Variants in MAST4 observed in about 807,000 individuals in gnomAD.
MAST4 encodes the protein microtubule associated serine/threonine kinase family member 4, also known as microtubule-associated serine/threonine-protein kinase 4.
A neutral mutation model predicts 162.7 loss-of-function variants in MAST4; 89 were observed. That is an observed-to-expected ratio of 0.55 (90% CI 0.46 to 0.65). The LOEUF (loss-of-function observed/expected upper bound fraction) is 0.65, where lower values mean the gene tolerates loss of function less well. Ranked by LOEUF, MAST4 falls within the 30% of genes least tolerant of loss-of-function variation. The pLI is 0.00. For missense variants in MAST4, 3,153 were observed against 3,374.0 expected (o/e 0.93, Z 1.62); for synonymous variants, 1,479 against 1,361.1 (o/e 1.09, Z -1.91).
intron 1 of MAST4, among the ~76,000 whole-genome samples, chr5:66,659,445 CAT>C (rs1746764522): frequency 6.6e-6 from 1 of 152,176 alleles, no homozygotes; most frequent in Non-Finnish European, 1.5e-5. Context: ...TTTGTAAACA[CAT>C]GTTAAAGTGT....
intron 4 of MAST4, among the ~76,000 whole-genome samples, chr5:67,011,300 A>G (rs1007034993): frequency 1.3e-5 from 2 of 151,330 alleles, no homozygotes; most frequent in Admixed American, 6.6e-5. Context: ...CCTCCTCTCC[A>G]CGCCTGACCT....
At chr5:66,971,107 T>C (rs1747380307) in intron 4 of MAST4, among the ~76,000 whole-genome samples, 1 of 152,200 alleles carries the variant, frequency 6.6e-6, no homozygotes, top group Non-Finnish European at 1.5e-5. Flanking sequence ...GCATTCACAG[T>C]GTAAGATTCC....
intron 3 of MAST4, among the ~76,000 whole-genome samples, chr5:66,806,168 G>A (rs534619044): frequency 6.6e-6 from 1 of 152,284 alleles, no homozygotes; most frequent in Admixed American, 6.5e-5. Context: ...AGAAGGATGT[G>A]CTCAAAGGGA....
Position 67,163,643 on chromosome 5 carries a change from C to A in MAST4, c.4464C>A (p.Ser1488Arg), listed in dbSNP as rs372874851. 1.3e-5 allele frequency: 21 copies of A among 1,607,808 alleles called. No homozygotes were observed. The highest frequency in any genetic ancestry group is 1.5e-5 in the Non-Finnish European group (18 of 1,177,728). Reference protein sequence around the residue: ...EQSQREAPLQSLDENVCDVPP... With the variant: ...EQSQREAPLQRLDENVCDVPP... ...CCCAGCGGGAGGCGCCGCTGCAGAG[C>A]CTGGATGAGAACGTGTGCGACGTGC... The change falls in exon 29 of 29, where the codon AGC becomes AGA. Residue 1488 changes from serine (S) to arginine (R), a missense_variant. Physicochemically the swap from Ser to Arg is moderately radical, Grantham distance 110. Around this residue, in one of 7 missense-constraint regions of MAST4, gnomAD observed 1,644 missense variants for 1,495.0 expected, o/e 1.10. Coordinates refer to ENST00000403625, the MANE Select transcript of MAST4 (RefSeq NM_001164664.2). The surrounding 1 kb of genome is among the most constrained non-coding windows in gnomAD (Gnocchi z 7.0).
At chr5:67,024,334 T>A (rs200034755) in intron 4 of MAST4, among the ~76,000 whole-genome samples, 1 of 133,292 alleles carries the variant, frequency 7.5e-6, no homozygotes, top group Non-Finnish European at 1.5e-5. Context: ...TCTATATATA[T>A]ATACACACAC....
chr5:67,026,751 T>C (rs889831386), intron 4 of MAST4, among the ~76,000 whole-genome samples: 2 of 152,206 alleles, frequency 1.3e-5, no homozygotes, highest in African/African-American at 2.4e-5. Context: ...TCTGGAATAT[T>C]TGAGACCACA....
intron 4 of MAST4, among the ~76,000 whole-genome samples, chr5:66,916,667 A>G (rs1764140037): frequency 6.6e-6 from 1 of 152,156 alleles, no homozygotes; most frequent in African/African-American, 2.4e-5. Flanking sequence ...AGGTGTAGGT[A>G]CATTTGCATA....
intron 4 of MAST4, among the ~76,000 whole-genome samples, chr5:67,013,037 GCTTA>G (rs1224036165): frequency 1.3e-5 from 2 of 152,150 alleles, no homozygotes; most frequent in Non-Finnish European, 2.9e-5. Context: ...GCACCCCATT[GCTTA>G]CTTTATTATA....
intron 4 of MAST4, among the ~76,000 whole-genome samples, chr5:66,911,385 C>CT (rs1763747808): frequency 6.6e-6 from 1 of 152,036 alleles, no homozygotes; most frequent in Non-Finnish European, 1.5e-5. Context: ...ATATTTAAAA[C>CT]TTTTTTTAGA....
In MAST4 at chr5:67,007,901, C is replaced by G. The variant is rs555180939; in HGVS notation, c.675-46503C>G. ...GGAAAGAAGCCTACAGACATACTCT[C>G]AGGCCTAGATTCTCAAAGATGACAC... is the stretch of plus-strand genomic sequence containing the variant. On this transcript the variant is annotated intron_variant, in intron 4 of 28. Coordinates refer to ENST00000403625, the MANE Select transcript of MAST4 (RefSeq NM_001164664.2). Among the ~76,000 whole-genome samples, 3 of 152,312 alleles carry G rather than the reference C, an allele frequency of 2.0e-5. No homozygotes were observed. In the South Asian group the frequency reaches 6.2e-4, roughly 32 times the overall value.
chr5:67,166,913 G>C lies in MAST4; in HGVS notation c.7734G>C (p.Val2578=). The C allele has an allele frequency of 6.2e-7, 1 of 1,611,524 alleles. No individual in the cohort carries two copies. The highest frequency in any genetic ancestry group is 8.5e-7 in the Non-Finnish European group (1 of 1,179,222). ...CTCCCCCAGCTAGGAAACAGAACGT[G>C]GGCAGAGACGTGACCAAGCCATCCC... ...AQPPPARKQN[V]GRDVTKPSPA... The change falls in exon 29 of 29, where the codon GTG becomes GTC. Residue 2578 remains valine (V), a synonymous_variant. Transcript: ENST00000403625.
intron 3 of MAST4, among the ~76,000 whole-genome samples, chr5:66,793,249 G>A (rs257712): frequency 0.49 from 74,901 of 152,138 alleles, 18,713 homozygotes; most frequent in East Asian, 0.66. Context: ...CATGTTGCCA[G>A]TTCATCCTAA....
chr5:67,164,746 C>G lies in MAST4; in HGVS notation c.5567C>G (p.Ala1856Gly). The change falls in exon 29 of 29, where the codon GCA (alanine) becomes GGA (glycine). Residue 1856 changes from alanine to glycine, a missense_variant. Physicochemically the swap from Ala to Gly is moderately conservative, Grantham distance 60 (BLOSUM62 0). Around this residue, in one of 7 missense-constraint regions of MAST4, gnomAD observed 1,644 missense variants for 1,495.0 expected, o/e 1.10. Coordinates refer to ENST00000403625, the MANE Select transcript of MAST4 (RefSeq NM_001164664.2). This position sits in a 1 kb window ranked among gnomAD's most constrained non-coding sequence, Gnocchi z 5.3. ...GGGAAAAAGAACGATACCACCAGTG[C>G]AAGAGAGCTTTCTCCTTCCAGCTTA... ...SSGKKNDTTS[A>G]RELSPSSLKM... 1.2e-6 allele frequency: 2 copies of G among 1,613,996 alleles called. No individual in the cohort carries two copies. The highest frequency in any genetic ancestry group is 4.5e-5 in the East Asian group (2 of 44,888).
chr5:66,852,502 C>A (rs1759385417), intron 3 of MAST4, among the ~76,000 whole-genome samples: 1 of 152,134 alleles, frequency 6.6e-6, no homozygotes. Context: ...TGACAAATTC[C>A]CTGGACACCG....
intron 3 of MAST4, among the ~76,000 whole-genome samples, chr5:66,850,239 A>G (rs1451375833): frequency 1.3e-5 from 2 of 152,238 alleles, no homozygotes; most frequent in East Asian, 3.8e-4. Context: ...CTAGGAGAGA[A>G]ACCTTCGATT....
At chr5:66,657,819 G>A (rs1189201438) in intron 1 of MAST4, among the ~76,000 whole-genome samples, 1 of 152,162 alleles carries the variant, frequency 6.6e-6, no homozygotes, top group African/African-American at 2.4e-5. Flanking sequence ...CTAATTAAAT[G>A]TGACAAAACA....
chr5:66,830,284 C>T lies in MAST4; in HGVS notation c.642+41490C>T, dbSNP rs2149755344. On this transcript the variant is annotated intron_variant, in intron 3 of 28. Transcript: ENST00000403625. ...TTCCTTTTTTAAGTTTTTGTTATTT[C>T]TGTAATATGTCTGTTATCACAACTT... Among the ~76,000 whole-genome samples, 3 of 152,110 alleles carry T rather than the reference C, an allele frequency of 2.0e-5. No individual in the cohort carries two copies. In the South Asian group the frequency reaches 6.2e-4, roughly 32 times the overall value.
At chr5:66,597,672 A>G (rs1056492228) in intron 1 of MAST4, among the ~76,000 whole-genome samples, 2 of 152,102 alleles carry the variant, frequency 1.3e-5, no homozygotes, top group African/African-American at 2.4e-5. Context: ...CTTGTCACCA[A>G]ACCGAGTACA....
rs1749646341 is a variant in MAST4, at chr5:66,987,444, AT to A, written c.675-66953del. 3.3e-5 allele frequency among the ~76,000 whole-genome samples: 5 copies of A among 151,384 alleles called. No individual in the cohort carries two copies. In the East Asian group the frequency reaches 9.7e-4, roughly 29 times the overall value. ...TAATTATAATACCCTTTTTTTTGTA[AT>A]TTTTTTCTACTTTTTTTTTTAGGTG... is the stretch of plus-strand genomic sequence containing the variant. On this transcript the variant is annotated intron_variant, in intron 4 of 28. Coordinates refer to ENST00000403625, the MANE Select transcript of MAST4 (RefSeq NM_001164664.2).
Sources: allele counts gnomAD v4.1 joint callset (sites outside exome capture counted in the v4.1 genomes callset), GRCh38; gene constraint gnomAD v4.1.1; regional missense constraint gnomAD v4.1.1; non-coding constraint Gnocchi (gnomAD v3.1); transcripts MANE v1.5; gene names NCBI Gene and HGNC (gene_info 2026-07-23, HGNC 2026-07-21).